The following PI4KA variants were observed in gnomAD, a reference collection of about 807,000 sequenced individuals.
PI4KA encodes the protein phosphatidylinositol 4-kinase alpha.
A neutral mutation model predicts 271.4 loss-of-function variants in PI4KA; 122 were observed. The observed-to-expected ratio is 0.45, with a 90% confidence interval of 0.39 to 0.52. The LOEUF is 0.52. Ranked by LOEUF, PI4KA falls within the 20% of genes least tolerant of loss-of-function variation. PI4KA has a pLI of 0.00. For synonymous variants in PI4KA, 1,041 were observed against 1,078.8 expected, an observed-to-expected ratio of 0.96 and a Z score of 0.69; for missense variants, 1,969 against 2,769.1, an observed-to-expected ratio of 0.71 and a Z score of 6.48.
intron 7 of PI4KA, among the ~76,000 whole-genome samples, chr22:20,818,062 C>T (rs1229874020): frequency 6.6e-6 from 1 of 150,928 alleles, no homozygotes; most frequent in Non-Finnish European, 1.5e-5. Flanking sequence ...GAGGCAGGGC[C>T]TGCAGTGAGC....
Position 20,813,387 on chromosome 22 carries a change from A to G in PI4KA, c.976T>C (p.Leu326=), listed in dbSNP as rs1458346385. The change falls in exon 8 of 55, where the codon TTG becomes CTG. Residue 326 remains leucine (L), a synonymous_variant. Coordinates refer to ENST00000255882, the MANE Select transcript of PI4KA (RefSeq NM_058004.4). Reference sequence around the variant, plus strand: ...TTTAAGAGTTCCCGAAGCATTTCCAATGGAATGTTAAACTCCTTATATGTG... The same window carrying G: ...TTTAAGAGTTCCCGAAGCATTTCCAGTGGAATGTTAAACTCCTTATATGTG... ...GVTYKEFNIP[L]EMLRELLNLV... 5.0e-6 allele frequency: 8 copies of G among 1,613,642 alleles called. No homozygotes were observed. Among genetic ancestry groups the G allele is most frequent in the East Asian group, 2.2e-5 (1 of 44,894 alleles).
At chr22:20,814,862 A>G (rs1921565360) in intron 7 of PI4KA, among the ~76,000 whole-genome samples, 2 of 151,888 alleles carry the variant, frequency 1.3e-5, no homozygotes, top group South Asian at 4.2e-4. Flanking sequence ...GACATTTAAT[A>G]AATATAAACC....
chr22:20,790,698 A>AC (rs1491461240), intron 19 of PI4KA, among the ~76,000 whole-genome samples: 6 of 81,936 alleles, frequency 7.3e-5, no homozygotes, highest in Admixed American at 1.3e-4. Context: ...TAAAAAAAAC[A>AC]AACACACACA....
chr22:20,783,801 T>A lies in PI4KA; in HGVS notation c.2328+9392A>T, dbSNP rs145759497. Among the ~76,000 whole-genome samples, 3 of 152,316 alleles carry A rather than the reference T, an allele frequency of 2.0e-5. No individual in the cohort carries two copies. The East Asian group carries it at 5.8e-4, about 29-fold the overall frequency. The stretch of plus-strand genomic sequence containing the variant: ...GGTAACCTCTCGTTAACCTCTCTTG[T>A]TAGAAATGCAAATTTCTGCCCAAAT... On this transcript the variant is annotated intron_variant, in intron 19 of 54. Coordinates refer to ENST00000255882, the MANE Select transcript of PI4KA (RefSeq NM_058004.4).
chr22:20,738,253 G>C (rs1928974809), intron 32 of PI4KA, among the ~76,000 whole-genome samples: 1 of 152,196 alleles, frequency 6.6e-6, no homozygotes, highest in Admixed American at 6.5e-5. Flanking sequence ...GGGTGTGGGG[G>C]AAACTGCAAC....
At chr22:20,793,687 T>C (rs1300364548) in intron 18 of PI4KA, among the ~76,000 whole-genome samples, 1 of 152,248 alleles carries the variant, frequency 6.6e-6, no homozygotes, top group Non-Finnish European at 1.5e-5. Flanking sequence ...GTAATGATTA[T>C]ATATCTGAGT....
intron 3 of PI4KA, among the ~76,000 whole-genome samples, chr22:20,833,111 G>A (rs1924402806): frequency 6.6e-6 from 1 of 152,080 alleles, no homozygotes; most frequent in African/African-American, 2.4e-5. Context: ...GGGTTTGATT[G>A]GGTTCAGTCA....
At chr22:20,799,351 A>G (rs1935163446) in intron 15 of PI4KA, 75 bp from the exon 16 acceptor site, 2 of 1,310,894 alleles carry the variant, frequency 1.5e-6, no homozygotes, top group East Asian at 4.9e-5. Context: ...CCCAGAGACT[A>G]CGATCTAGAC....
At chr22:20,780,548 A>G (rs924180424) in intron 19 of PI4KA, among the ~76,000 whole-genome samples, 1 of 152,156 alleles carries the variant, frequency 6.6e-6, no homozygotes, top group Non-Finnish European at 1.5e-5. Flanking sequence ...CAGGCAGATC[A>G]CTTGAGGTCA....
At chr22:20,726,646 G>T in intron 41 of PI4KA, 105 bp from the exon 42 acceptor site, 1 of 1,004,446 alleles carries the variant, frequency 1.0e-6, no homozygotes, top group Non-Finnish European at 1.4e-6. Flanking sequence ...GCAGGGCTGA[G>T]AACTGGGGAA....
chr22:20,725,836 C>T (rs987897437), intron 42 of PI4KA: 3 of 235,678 alleles, frequency 1.3e-5, no homozygotes, highest in Non-Finnish European at 2.7e-5. Context: ...AGCTTGAGCC[C>T]GAGAGGTTGA....
At chr22:20,724,213 G>A (rs567804096) in intron 42 of PI4KA, among the ~76,000 whole-genome samples, 373 of 151,848 alleles carry the variant, frequency 2.5e-3, no homozygotes, top group African/African-American at 8.6e-3. Flanking sequence ...GCTGAGGCAG[G>A]AAAAGTGCTT....
intron 19 of PI4KA, among the ~76,000 whole-genome samples, chr22:20,789,318 T>C (rs1356134528): frequency 2.6e-5 from 4 of 152,212 alleles, no homozygotes; most frequent in Non-Finnish European, 5.9e-5. Flanking sequence ...TTTATTTATT[T>C]ATTTATTTAT....
intron 19 of PI4KA, among the ~76,000 whole-genome samples, chr22:20,773,317 C>T (rs1932983493): frequency 6.6e-6 from 1 of 151,886 alleles, no homozygotes; most frequent in Non-Finnish European, 1.5e-5. Flanking sequence ...ACTTGGGAGA[C>T]AGAGGTTGCA....
At chr22:20,849,994 G>A (rs1231348679) in intron 1 of PI4KA, among the ~76,000 whole-genome samples, 1 of 152,194 alleles carries the variant, frequency 6.6e-6, no homozygotes, top group East Asian at 1.9e-4. Context: ...TAGGGCTGCA[G>A]GGTAACAGCA....
chr22:20,858,242 C>A (rs1180453624), intron 1 of PI4KA, among the ~76,000 whole-genome samples: 3 of 152,240 alleles, frequency 2.0e-5, no homozygotes, highest in Admixed American at 2.0e-4. Flanking sequence ...CTGCTCCGCA[C>A]AGCCGCCCAC....
At chr22:20,770,532 A>AAAAAG (rs1491322483) in intron 19 of PI4KA, among the ~76,000 whole-genome samples, 4,592 of 94,542 alleles carry the variant, frequency 0.049, 1,002 homozygotes, top group African/African-American at 0.055. Context: ...AAAAAAAAAA[A>AAAAAG]GAGAGAGAGA....
At position 20,713,350 on chromosome 22, in the gene PI4KA, C is replaced by A. The variant is rs371323798; in HGVS notation, c.5502G>T (p.Thr1834=). 6.3e-6 allele frequency: 10 copies of A among 1,598,310 alleles called. No individual in the cohort carries two copies. Among genetic ancestry groups the A allele is most frequent in the Non-Finnish European group, 8.5e-6 (10 of 1,171,738 alleles). The part of the protein sequence containing the change: ...CRSDSEDECS[T]QEADGQKISW... ...AGATCTTCTGGCCGTCGGCCTCCTGCGTGCTGCACTCATCCTCGGAGTCTG... is the reference window on the plus strand; with the variant it reads ...AGATCTTCTGGCCGTCGGCCTCCTGAGTGCTGCACTCATCCTCGGAGTCTG... Residue 1834 remains threonine (T), a synonymous_variant, in exon 48 of 55, where the codon ACG becomes ACT. Transcript: ENST00000255882.
At chr22:20,742,945 T>G (rs540275573) in intron 30 of PI4KA, 181 bp from the exon 31 acceptor site, 1 of 591,638 alleles carries the variant, frequency 1.7e-6, no homozygotes, top group South Asian at 2.0e-5. Context: ...ACAGCTTTTT[T>G]TTTTTTTAAA....
Sources: allele counts gnomAD v4.1 joint callset (sites outside exome capture counted in the v4.1 genomes callset), GRCh38; gene constraint gnomAD v4.1.1; transcripts MANE v1.5; gene names NCBI Gene and HGNC (gene_info 2026-07-23, HGNC 2026-07-21).